Variants in CERS3 observed in about 807,000 individuals in gnomAD.
CERS3 encodes the protein ceramide synthase 3.
CERS3 carries 33 observed loss-of-function variants against 50.3 expected under a neutral mutation model. The observed-to-expected ratio is 0.66, with a 90% CI of 0.50 to 0.88. The LOEUF is 0.88. CERS3 is among the 40% of genes least tolerant of loss of function. The pLI is 0.00. For synonymous variants in CERS3, 176 were observed against 155.2 expected (o/e 1.13, Z -0.99); for missense variants, 470 against 460.3 (o/e 1.02, Z -0.19).
At chr15:100,458,585 CA>C (rs5814967) in intron 10 of CERS3, among the ~76,000 whole-genome samples, 111,257 of 127,738 alleles carry the variant, frequency 0.87, 47,990 homozygotes, top group East Asian at 0.98. Context: ...GACTCCATCT[CA>C]AAAAAAAAAA....
At chr15:100,498,308 T>C (rs563703273) in intron 3 of CERS3, among the ~76,000 whole-genome samples, 1 of 152,104 alleles carries the variant, frequency 6.6e-6, no homozygotes, top group Non-Finnish European at 1.5e-5. Flanking sequence ...AAAGTGTAGA[T>C]GAATATAAAG....
intron 10 of CERS3, among the ~76,000 whole-genome samples, chr15:100,464,535 G>T (rs1438765100): frequency 6.6e-6 from 1 of 152,206 alleles, no homozygotes; most frequent in Non-Finnish European, 1.5e-5. Context: ...GGACCTACCT[G>T]CGTGGAACCA....
chr15:100,450,580 C>T (rs1052852806), intron 11 of CERS3, among the ~76,000 whole-genome samples: 1 of 152,008 alleles, frequency 6.6e-6, no homozygotes, highest in African/African-American at 2.4e-5. Flanking sequence ...AGGGAAACAA[C>T]TTATTGAACT....
intron 2 of CERS3, among the ~76,000 whole-genome samples, chr15:100,502,450 T>C (rs2036041262): frequency 6.6e-6 from 1 of 152,122 alleles, no homozygotes; most frequent in Admixed American, 6.5e-5. Flanking sequence ...ATGTGAATAT[T>C]ATGCACGTGT....
intron 2 of CERS3, among the ~76,000 whole-genome samples, chr15:100,510,754 C>T (rs915366652): frequency 1.3e-5 from 2 of 152,186 alleles, no homozygotes; most frequent in Non-Finnish European, 2.9e-5. Flanking sequence ...GCTGACAGGA[C>T]AGGAGCGATT....
chr15:100,407,519 C>G (rs2031141838), intron 11 of CERS3, among the ~76,000 whole-genome samples: 1 of 152,252 alleles, frequency 6.6e-6, no homozygotes, highest in Non-Finnish European at 1.5e-5. Flanking sequence ...TAGAATCTGA[C>G]TCCTTTGTGC....
chr15:100,505,202 C>A (rs2036142237), intron 2 of CERS3, among the ~76,000 whole-genome samples: 1 of 152,190 alleles, frequency 6.6e-6, no homozygotes, highest in Admixed American at 6.5e-5. Context: ...GTTTCCCCCC[C>A]AATATTATTA....
At chr15:100,524,928 G>A (rs1297751664) in intron 1 of CERS3, among the ~76,000 whole-genome samples, 5 of 152,160 alleles carry the variant, frequency 3.3e-5, no homozygotes, top group Admixed American at 3.3e-4. Context: ...GAATTAAATG[G>A]ATTATCACAT....
At position 100,535,742 on chromosome 15, in the gene CERS3, AC is replaced by A. The variant is rs1301924465; in HGVS notation, c.-354-6668del. ...GGGATATCCCTATGCTCATATGTGC[AC>A]GGGAAGTGGGGACATCCCTATGTTC... is the stretch of plus-strand genomic sequence containing the variant. On this transcript the variant is annotated intron_variant, in intron 1 of 12. Coordinates refer to the CERS3 transcript ENST00000284382. Among the ~76,000 whole-genome samples the A allele has an allele frequency of 1.8e-4, 22 of 122,194 alleles. 2 individuals are homozygous for A. Among genetic ancestry groups the A allele is most frequent in the Admixed American group, 1.6e-3 (19 of 11,588 alleles). The allele number at this position is 122,194 out of a possible 152,430, so 80.2% of individuals were successfully genotyped here.
chr15:100,488,812 C>T (rs1403781179), intron 4 of CERS3, among the ~76,000 whole-genome samples: 1 of 148,134 alleles, frequency 6.8e-6, no homozygotes, highest in African/African-American at 2.5e-5. Context: ...GAGTCTCACT[C>T]TGTCACCAGG....
At chr15:100,413,098 G>A (rs2031613367) in intron 11 of CERS3, among the ~76,000 whole-genome samples, 1 of 152,126 alleles carries the variant, frequency 6.6e-6, no homozygotes, top group African/African-American at 2.4e-5. Context: ...TGTGATGGAT[G>A]CAGAAAATGA....
At chr15:100,462,222 T>C (rs1472828458) in intron 10 of CERS3, among the ~76,000 whole-genome samples, 4 of 152,250 alleles carry the variant, frequency 2.6e-5, no homozygotes, top group Non-Finnish European at 5.9e-5. Context: ...GATAAGCTAC[T>C]ACCATGCCCT....
At chr15:100,542,829 A>G (rs1482498181) in intron 1 of CERS3, among the ~76,000 whole-genome samples, 1 of 152,210 alleles carries the variant, frequency 6.6e-6, no homozygotes, top group Non-Finnish European at 1.5e-5. Context: ...ACACATGTAT[A>G]TAACTGAAAC....
intron 11 of CERS3, among the ~76,000 whole-genome samples, chr15:100,428,728 T>C (rs1176890500): frequency 6.6e-6 from 1 of 152,206 alleles, no homozygotes; most frequent in Admixed American, 6.5e-5. Flanking sequence ...TTACAATCTA[T>C]TGAAAGAACT....
chr15:100,432,172 A>T lies in CERS3; in HGVS notation c.999+23721T>A, dbSNP rs374546838. Among the ~76,000 whole-genome samples the T allele has an allele frequency of 8.6e-4, 131 of 152,176 alleles. No individual in the cohort carries two copies. In the Middle Eastern group the frequency reaches 0.014, roughly 16 times the overall value. Reference sequence around the variant, plus strand: ...AGCCTTGACTTCCTGAGCTCAAGCAAACCTCCTGCCTCAGCCTCCCAAACA... The same window carrying T: ...AGCCTTGACTTCCTGAGCTCAAGCATACCTCCTGCCTCAGCCTCCCAAACA... On this transcript the variant is annotated intron_variant, in intron 11 of 11. Transcript: ENST00000679737.
chr15:100,419,763 T>C (rs1234818541), intron 11 of CERS3, among the ~76,000 whole-genome samples: 11 of 148,588 alleles, frequency 7.4e-5, no homozygotes, highest in Non-Finnish European at 1.3e-4. Context: ...AAACTAGAAC[T>C]CAGGATTAAG....
At chr15:100,490,984 T>C in intron 3 of CERS3, 53 bp from the exon 4 acceptor site, 3 of 1,035,994 alleles carry the variant, frequency 2.9e-6, no homozygotes, top group Admixed American at 4.3e-5. Flanking sequence ...AAATCCACGA[T>C]GACACCAGAA....
chr15:100,542,300 T>A (rs752764749), intron 1 of CERS3, among the ~76,000 whole-genome samples: 5 of 152,230 alleles, frequency 3.3e-5, no homozygotes, highest in Non-Finnish European at 5.9e-5. Flanking sequence ...TGAACTTCTT[T>A]ACTTTGTTCC....
At position 100,424,346 on chromosome 15, in the gene CERS3, C is replaced by G. The variant is rs570486906; in HGVS notation, c.1000-21481G>C. On this transcript the variant is annotated intron_variant, in intron 11 of 11. Transcript: ENST00000679737. Reference sequence around the variant, plus strand: ...TGAAAATGTGAAAGCAGCTTTGAAACTGGGTAATGGGAAGAGGTTGGAACA... The same window carrying G: ...TGAAAATGTGAAAGCAGCTTTGAAAGTGGGTAATGGGAAGAGGTTGGAACA... Among the ~76,000 whole-genome samples, 6 of 152,218 alleles carry G rather than the reference C, an allele frequency of 3.9e-5. No individual in the cohort carries two copies. The South Asian group carries it at 1.2e-3, about 32-fold the overall frequency.
Sources: allele counts gnomAD v4.1 joint callset (sites outside exome capture counted in the v4.1 genomes callset), GRCh38; gene constraint gnomAD v4.1.1; transcripts MANE v1.5; gene names NCBI Gene and HGNC (gene_info 2026-07-23, HGNC 2026-07-21).